The following NTRK2 variants were observed in gnomAD, a reference collection of about 807,000 sequenced individuals.
NTRK2 encodes the protein neurotrophic receptor tyrosine kinase 2.
In NTRK2, 13 loss-of-function variants were observed where a neutral mutation model predicts 94.5. The ratio of observed to expected loss-of-function variants is 0.14; its 90% CI spans 0.09 to 0.22. NTRK2 has a LOEUF of 0.22. Ranked by LOEUF, NTRK2 falls within the 10% of genes least tolerant of loss-of-function variation. The pLI, the probability that NTRK2 is intolerant of heterozygous loss-of-function variation, is 1.00. For missense variants in NTRK2, 639 were observed against 1,071.2 expected, an observed-to-expected ratio of 0.60 and a Z score of 5.63; for synonymous variants, 372 against 407.4, an observed-to-expected ratio of 0.91 and a Z score of 1.05.
At chr9:84,778,789 C>T (rs568106183) in intron 12 of NTRK2, among the ~76,000 whole-genome samples, 9 of 152,206 alleles carry the variant, frequency 5.9e-5, no homozygotes, top group Non-Finnish European at 7.3e-5. Flanking sequence ...TGTGCCTTCA[C>T]GGACACCGTG....
chr9:84,944,644 G>A (rs2078533096), intron 15 of NTRK2, among the ~76,000 whole-genome samples: 2 of 152,188 alleles, frequency 1.3e-5, no homozygotes, highest in African/African-American at 4.8e-5. Flanking sequence ...GCAGGCCAAG[G>A]GCTGGATCTG....
intron 17 of NTRK2, among the ~76,000 whole-genome samples, chr9:85,019,505 C>T (rs189913183): frequency 1.3e-5 from 2 of 152,310 alleles, no homozygotes; most frequent in Non-Finnish European, 2.9e-5. Context: ...AATGCGATTG[C>T]TATCTGATGC....
At chr9:84,874,081 G>A (rs201700128) in intron 14 of NTRK2, 1 of 1,064,340 alleles carries the variant, frequency 9.4e-7, no homozygotes, top group African/African-American at 1.6e-5. Flanking sequence ...ATTTCCCAAG[G>A]CCCAGCCTGA....
At chr9:84,957,296 A>G (rs893717798) in intron 17 of NTRK2, among the ~76,000 whole-genome samples, 2 of 152,352 alleles carry the variant, frequency 1.3e-5, no homozygotes, top group African/African-American at 4.8e-5. Context: ...ACCCAAATCA[A>G]TAGACATACA....
chr9:84,986,644 T>C (rs994730162), intron 17 of NTRK2, among the ~76,000 whole-genome samples: 5 of 152,198 alleles, frequency 3.3e-5, no homozygotes, highest in Admixed American at 3.3e-4. Flanking sequence ...CCTTACAATA[T>C]TGAAAAGTGT....
At chr9:84,701,468 A>T (rs1440135443) in intron 2 of NTRK2, among the ~76,000 whole-genome samples, 2 of 152,012 alleles carry the variant, frequency 1.3e-5, no homozygotes, top group Non-Finnish European at 2.9e-5. Context: ...CTCTAAGCCC[A>T]CCAATGTGGG....
At chr9:84,785,892 G>A (rs2068067361) in intron 12 of NTRK2, among the ~76,000 whole-genome samples, 2 of 152,140 alleles carry the variant, frequency 1.3e-5, no homozygotes, top group Admixed American at 1.3e-4. Flanking sequence ...ATGAACTGAG[G>A]TTCTTTCATT....
chr9:84,966,930 ATAAT>A (rs1032877927), intron 17 of NTRK2, among the ~76,000 whole-genome samples: 5 of 152,332 alleles, frequency 3.3e-5, no homozygotes, highest in African/African-American at 1.2e-4. Flanking sequence ...TGGTATTACC[ATAAT>A]TAATGGATTT....
intron 14 of NTRK2, among the ~76,000 whole-genome samples, chr9:84,891,798 A>C (rs2076602928): frequency 6.6e-6 from 1 of 152,208 alleles, no homozygotes; most frequent in Non-Finnish European, 1.5e-5. Flanking sequence ...ATAAATTAGA[A>C]CCTAGAGAAG....
chr9:84,745,895 G>C (rs1053139644), intron 11 of NTRK2, among the ~76,000 whole-genome samples: 1 of 152,118 alleles, frequency 6.6e-6, no homozygotes, highest in East Asian at 1.9e-4. Context: ...CCATTGAAGA[G>C]GGAAGTCACA....
chr9:84,687,245 A>G (rs1318595150), intron 2 of NTRK2, among the ~76,000 whole-genome samples: 1 of 152,202 alleles, frequency 6.6e-6, no homozygotes, highest in Non-Finnish European at 1.5e-5. Context: ...CCAACATAAA[A>G]TGTTTAACTC....
intron 14 of NTRK2, among the ~76,000 whole-genome samples, chr9:84,929,654 C>T (rs1399446682): frequency 6.6e-6 from 1 of 151,848 alleles, no homozygotes; most frequent in Non-Finnish European, 1.5e-5. Flanking sequence ...CTCTGCCTCC[C>T]GGATTCAAAC....
intron 14 of NTRK2, among the ~76,000 whole-genome samples, chr9:84,897,355 T>A (rs1415731772): frequency 6.6e-6 from 1 of 152,164 alleles, no homozygotes; most frequent in Non-Finnish European, 1.5e-5. Flanking sequence ...CAGGATGGTC[T>A]CGATCTCCTG....
At chr9:85,002,476 AT>A (rs951401529) in intron 17 of NTRK2, among the ~76,000 whole-genome samples, 10 of 152,018 alleles carry the variant, frequency 6.6e-5, no homozygotes, top group Non-Finnish European at 1.2e-4. Flanking sequence ...GCTGAACCTA[AT>A]TTTTTCACTC....
intron 12 of NTRK2, among the ~76,000 whole-genome samples, chr9:84,793,093 A>G (rs1207095055): frequency 6.6e-6 from 1 of 151,988 alleles, no homozygotes; most frequent in Admixed American, 6.6e-5. Flanking sequence ...ACTGGTGTGT[A>G]CGTGTGTGTT....
chr9:84,903,638 A>G (rs766594667), intron 14 of NTRK2, among the ~76,000 whole-genome samples: 5 of 151,954 alleles, frequency 3.3e-5, no homozygotes, highest in South Asian at 2.1e-4. Context: ...TCTGATGTCC[A>G]ATTGTTCTTT....
In NTRK2 at chr9:85,023,986, CT is replaced by C. The variant is rs576347551; in HGVS notation, c.*2557del. 7 of 228,774 alleles carry C rather than the reference CT, an allele frequency of 3.1e-5. No individual in the cohort carries two copies. The highest frequency in any genetic ancestry group is 5.2e-5 in the Non-Finnish European group (6 of 115,528). 14.2% of individuals were successfully genotyped at this position (228,774 alleles called of 1,614,324 possible). On this transcript the variant is annotated 3_prime_UTR_variant, in exon 19 of 19. Coordinates refer to ENST00000277120, the MANE Select transcript of NTRK2 (RefSeq NM_006180.6). ...TGGGAGCATCCCATTCCAGTTTTGT[CT>C]TTTTTTTCTCTGAAAGAAAAAAGCA... is the stretch of plus-strand genomic sequence containing the variant.
At chr9:85,002,624 T>A (rs189317004) in intron 17 of NTRK2, among the ~76,000 whole-genome samples, 26 of 152,314 alleles carry the variant, frequency 1.7e-4, no homozygotes, top group African/African-American at 5.3e-4. Flanking sequence ...ATAAACACTC[T>A]CATCTTCTGA....
At chr9:84,716,677 CAGGT>C (rs2061729809) in intron 6 of NTRK2, among the ~76,000 whole-genome samples, 1 of 152,164 alleles carries the variant, frequency 6.6e-6, no homozygotes, top group Admixed American at 6.5e-5. Flanking sequence ...TCTTAGAGAT[CAGGT>C]TTTATCTCCC....
Sources: allele counts gnomAD v4.1 joint callset (sites outside exome capture counted in the v4.1 genomes callset), GRCh38; gene constraint gnomAD v4.1.1; transcripts MANE v1.5; gene names NCBI Gene and HGNC (gene_info 2026-07-23, HGNC 2026-07-21).